The following CSF3R variants were observed in gnomAD, a reference collection of about 807,000 sequenced individuals.
CSF3R encodes the protein granulocyte colony-stimulating factor receptor.
CSF3R carries 52 observed loss-of-function variants against 84.4 expected under a neutral mutation model. The ratio of observed to expected loss-of-function variants is 0.62; its 90% CI spans 0.49 to 0.78. The LOEUF (loss-of-function observed/expected upper bound fraction) is 0.78. Ranked by LOEUF, CSF3R falls within the 30% of genes least tolerant of loss-of-function variation. The probability of loss-of-function intolerance (pLI) is 0.00; values close to 1 mark genes in which losing one functional copy is unlikely to be tolerated. For synonymous variants in CSF3R, 384 were observed against 429.1 expected, an observed-to-expected ratio of 0.89 and a Z score of 1.30; for missense variants, 890 against 1,055.7, an observed-to-expected ratio of 0.84 and a Z score of 2.17.
chr1:36,468,115 G>GC lies in CSF3R; in HGVS notation c.1682_1683insG (p.His561GlnfsTer143). 6.2e-7 allele frequency: 1 copy of GC among 1,614,240 alleles called. No homozygotes were observed. Among genetic ancestry groups the GC allele is most frequent in the Non-Finnish European group, 8.5e-7 (1 of 1,180,040 alleles). ...GAGCGTTGGTCCAGAAGATGGTGTA[G>GC]TGGGTAAGGGGGCTCTTCCCCAGCT... On this transcript the variant is annotated frameshift_variant, in exon 13 of 17. Coordinates refer to ENST00000373106, the MANE Select transcript of CSF3R (RefSeq NM_000760.4). LOFTEE classifies it high-confidence loss of function.
chr1:36,471,421 A>T lies in CSF3R; in HGVS notation c.1285+12T>A, dbSNP rs745481942. ...TGACCTCTGTGCTCTTCTGGCTGCC[A>T]GCCCCCTTTACCTCTGCTTTCTGAG... On this transcript the variant is annotated intron_variant, in intron 10 of 16. Transcript: ENST00000373106. 6 of 1,612,520 alleles carry T rather than the reference A, an allele frequency of 3.7e-6. No individual in the cohort carries two copies. The East Asian group carries it at 1.1e-4, about 30-fold the overall frequency.
In CSF3R at chr1:36,482,819, C is replaced by G. The variant is rs1180687055; in HGVS notation, c.-89G>C. Reference sequence around the variant, plus strand: ...AGGGATCCCCTACTCACGTTGGCACCTCTGGCCCAGCCCCTGCTTGGCCTC... The same window carrying G: ...AGGGATCCCCTACTCACGTTGGCACGTCTGGCCCAGCCCCTGCTTGGCCTC... On this transcript the variant is annotated 5_prime_UTR_variant, in exon 1 of 17. Coordinates refer to ENST00000373106, the MANE Select transcript of CSF3R (RefSeq NM_000760.4). 2.6e-5 allele frequency: 4 copies of G among 152,470 alleles called. No homozygotes were observed. The highest frequency in any genetic ancestry group is 2.6e-4 in the Admixed American group (4 of 15,286). 9.4% of individuals were successfully genotyped at this position (152,470 alleles called of 1,614,324 possible).
chr1:36,472,394 G>A lies in CSF3R; in HGVS notation c.844-3C>T, dbSNP rs747876471. On this transcript the variant is annotated splice_region_variant and splice_polypyrimidine_tract_variant and intron_variant, in intron 7 of 16. Coordinates refer to ENST00000373106, the MANE Select transcript of CSF3R (RefSeq NM_000760.4). This position sits in a 1 kb window ranked among gnomAD's most constrained non-coding sequence, Gnocchi z 5.0. ...GCCTCCAAGGGGAGGGGGCCCACCT[G>A]GTGAGGGGTGGACAGGACTCTGAGC... The A allele has an allele frequency of 6.2e-6, 10 of 1,613,962 alleles. No homozygotes were observed. Among genetic ancestry groups the A allele is most frequent in the Non-Finnish European group, 8.5e-6 (10 of 1,180,006 alleles).
At position 36,467,592 on chromosome 1, in the gene CSF3R, G is replaced by A. The variant is rs779199184; in HGVS notation, c.1924C>T (p.Leu642Phe). 1.2e-6 allele frequency: 2 copies of A among 1,614,194 alleles called. No homozygotes were observed. Among genetic ancestry groups the A allele is most frequent in the Non-Finnish European group, 1.7e-6 (2 of 1,180,028 alleles). Residue 642 changes from leucine (L) to phenylalanine (F), a missense_variant, in exon 15 of 17, where the codon CTC becomes TTC. Transcript: ENST00000373106. This position sits in a 1 kb window ranked among gnomAD's most constrained non-coding sequence, Gnocchi z 4.1. ...LFGLLLLLTC[L>F]CGTAWLCCSP... ...CAACAGAGCCAGGCAGTTCCACAGAGGCAGGTGAGCAACAGCAGGAGGCCG... is the reference window on the plus strand; with the variant it reads ...CAACAGAGCCAGGCAGTTCCACAGAAGCAGGTGAGCAACAGCAGGAGGCCG...
At chr1:36,475,934 C>T (rs1030269717) in intron 3 of CSF3R, 28 of 443,096 alleles carry the variant, frequency 6.3e-5, no homozygotes, top group Non-Finnish European at 8.5e-5. Context: ...TGCCTTTCCG[C>T]GGTGTAAGTG....
intron 3 of CSF3R, among the ~76,000 whole-genome samples, chr1:36,478,246 G>T (rs1288991642): frequency 6.6e-6 from 1 of 151,940 alleles, no homozygotes; most frequent in Non-Finnish European, 1.5e-5. Context: ...ACATGCCACA[G>T]GGCTGGGCGC....
chr1:36,476,955 C>G (rs565927779), intron 3 of CSF3R: 5 of 152,134 alleles, frequency 3.3e-5, no homozygotes, highest in African/African-American at 1.2e-4. Flanking sequence ...CAGATGTGAA[C>G]CACTGTGCCC....
chr1:36,469,690 A>G lies in CSF3R; in HGVS notation c.1436T>C (p.Met479Thr), dbSNP rs752687097. 6.2e-7 allele frequency: 1 copy of G among 1,614,114 alleles called. No homozygotes were observed. Among genetic ancestry groups the G allele is most frequent in the Non-Finnish European group, 8.5e-7 (1 of 1,180,032 alleles). The change falls in exon 11 of 17, where the codon ATG (methionine) becomes ACG (threonine). Residue 479 changes from methionine (M) to threonine (T), a missense_variant. By Grantham distance (81) the Met-to-Thr change is moderately conservative. Transcript: ENST00000373106. Reference sequence around the variant, plus strand: ...CCCCGTGGCTCTCCCATTCTGTTCCATCCTCCAGGTCTTGTTGCTATTGCT... The same window carrying G: ...CCCCGTGGCTCTCCCATTCTGTTCCGTCCTCCAGGTCTTGTTGCTATTGCT... ...SASNSNKTWR[M>T]EQNGRATGFL...
chr1:36,473,026 CCTCT>C (rs979148156), intron 6 of CSF3R: 1 of 406,724 alleles, frequency 2.5e-6, no homozygotes, highest in South Asian at 3.8e-5. Flanking sequence ...CCCCTTCCCC[CCTCT>C]CTCTCTATGC....
At position 36,472,463 on chromosome 1, in the gene CSF3R, A is replaced by ACCCTGCC. The variant is rs1458201009; in HGVS notation, c.843+47_843+53dup. ...TCTAGGGCCAGCTCGAGCCCGACTT[A>ACCCTGCC]CCCTGCCCCCTGCCCCCACCACCTC... On this transcript the variant is annotated intron_variant, in intron 7 of 16. Transcript: ENST00000373106. The surrounding 1 kb of genome is among the most constrained non-coding windows in gnomAD (Gnocchi z 5.0). 6.8e-6 allele frequency: 11 copies of ACCCTGCC among 1,613,742 alleles called. No individual in the cohort carries two copies. Among genetic ancestry groups the ACCCTGCC allele is most frequent in the African/African-American group, 5.3e-5 (4 of 74,986 alleles).
rs756149766 is a variant in CSF3R at position 36,467,673 on chromosome 1, A to G, written c.1865-22T>C. The G allele has an allele frequency of 6.2e-7, 1 of 1,613,790 alleles. No individual in the cohort carries two copies. The highest frequency in any genetic ancestry group is 8.5e-7 in the Non-Finnish European group (1 of 1,179,666). Reference sequence around the variant, plus strand: ...CCCTCTGCAGTGAGGGCAGGGCCGGAAGAAGTTAGAATGCATGTTGGGAAG... The same window carrying G: ...CCCTCTGCAGTGAGGGCAGGGCCGGGAGAAGTTAGAATGCATGTTGGGAAG... On this transcript the variant is annotated intron_variant, in intron 14 of 16. Coordinates refer to ENST00000373106, the MANE Select transcript of CSF3R (RefSeq NM_000760.4). The surrounding 1 kb of genome is among the most constrained non-coding windows in gnomAD (Gnocchi z 4.1).
chr1:36,474,390 CTTTTTTTTTTTTT>C (rs911099378), intron 4 of CSF3R, among the ~76,000 whole-genome samples: 2 of 86,262 alleles, frequency 2.3e-5, no homozygotes, highest in Non-Finnish European at 2.1e-5. Context: ...ATTACTGGTG[CTTTTTTTTTTTTT>C]TTTTTTTTTT....
At chr1:36,468,397 GTGTC>G in intron 12 of CSF3R, 176 bp from the exon 13 acceptor site, 1 of 609,156 alleles carries the variant, frequency 1.6e-6, no homozygotes, top group South Asian at 2.7e-5. Flanking sequence ...CTGCTAATAA[GTGTC>G]TGAGCCAGGA....
intron 2 of CSF3R, chr1:36,480,052 G>A (rs3917924): frequency 0.34 from 69,374 of 204,150 alleles, 12,931 homozygotes; most frequent in Admixed American, 0.45. Flanking sequence ...ACACTTCTCA[G>A]AGCTGTCCAC....
In CSF3R at chr1:36,471,625, T is replaced by C; in HGVS notation, c.1093A>G (p.Ser365Gly). The change falls in exon 10 of 17, where the codon AGC becomes GGC. Residue 365 changes from serine (S) to glycine (G), a missense_variant. Physicochemically the swap from Ser to Gly is moderately conservative, Grantham distance 56. Coordinates refer to ENST00000373106, the MANE Select transcript of CSF3R (RefSeq NM_000760.4). ...FWKPVPLEED[S>G]GRIQGYVVSW... ...ACCACATAACCTTGGATCCGTCCGC[T>C]GTCTTCCTCCAGGGGCACTGGCTGT... The C allele has an allele frequency of 3.7e-6, 6 of 1,614,174 alleles. No individual in the cohort carries two copies. The highest frequency in any genetic ancestry group is 5.1e-6 in the Non-Finnish European group (6 of 1,180,028).
chr1:36,467,670 CGG>C lies in CSF3R; in HGVS notation c.1865-21_1865-20del. 1 of 1,613,896 alleles carries C rather than the reference CGG, an allele frequency of 6.2e-7. No homozygotes were observed. ...GACCCCTCTGCAGTGAGGGCAGGGC[CGG>C]AAGAAGTTAGAATGCATGTTGGGAA... On this transcript the variant is annotated intron_variant, in intron 14 of 16. Transcript: ENST00000373106. The surrounding 1 kb of genome is among the most constrained non-coding windows in gnomAD (Gnocchi z 4.1).
At position 36,472,401 on chromosome 1, in the gene CSF3R, G is replaced by A. The variant is rs554259052; in HGVS notation, c.844-10C>T. ...AGGGGAGGGGGCCCACCTGGTGAGGGGTGGACAGGACTCTGAGCCTTGGAT... is the reference window on the plus strand; with the variant it reads ...AGGGGAGGGGGCCCACCTGGTGAGGAGTGGACAGGACTCTGAGCCTTGGAT... On this transcript the variant is annotated splice_polypyrimidine_tract_variant and intron_variant, in intron 7 of 16. Transcript: ENST00000373106. The surrounding 1 kb of genome is among the most constrained non-coding windows in gnomAD (Gnocchi z 5.0). 6.2e-7 allele frequency: 1 copy of A among 1,613,894 alleles called. No individual in the cohort carries two copies. The highest frequency in any genetic ancestry group is 8.5e-7 in the Non-Finnish European group (1 of 1,179,992).
intron 11 of CSF3R, 100 bp downstream of exon 11, chr1:36,469,548 GAATC>G: frequency 7.5e-7 from 1 of 1,338,866 alleles, no homozygotes; most frequent in African/African-American, 1.4e-5. Flanking sequence ...AAAGGCTGGA[GAATC>G]CATGTCTCTT....
At chr1:36,471,325 G>A (rs2124117675) in intron 10 of CSF3R, 108 bp downstream of exon 10, 1 of 1,113,102 alleles carries the variant, frequency 9.0e-7, no homozygotes, top group South Asian at 1.2e-5. Flanking sequence ...GGGATTACAG[G>A]CGTGAGCCAC....
Sources: gnomAD v4.1 joint callset for allele counts (sites outside exome capture counted in the v4.1 genomes callset) on GRCh38, gnomAD v4.1.1 for gene constraint, Gnocchi (gnomAD v3.1) non-coding constraint, MANE v1.5 for transcripts, NCBI Gene and HGNC (gene_info 2026-07-23, HGNC 2026-07-21) for gene names.